XKR4: variants seen among roughly 807,000 people sequenced by gnomAD.
XKR4 encodes XK related 4, also known as XK-related protein 4.
A neutral mutation model predicts 53.9 loss-of-function variants in XKR4; 12 were observed. The ratio of observed to expected loss-of-function variants is 0.22; its 90% CI spans 0.14 to 0.36. The LOEUF is 0.36. Among genes scored for constraint, XKR4 ranks in the 10% least tolerant of loss-of-function variants. XKR4 has a pLI of 1.00. For synonymous variants in XKR4, 354 were observed against 362.4 expected (o/e 0.98, Z 0.26); for missense variants, 799 against 859.5 (o/e 0.93, Z 0.88).
At chr8:55,517,493 G>C (rs888884673) in intron 2 of XKR4, 1 of 152,150 alleles carries the variant, frequency 6.6e-6, no homozygotes, top group East Asian at 1.9e-4. Flanking sequence ...GGTGTTAGGG[G>C]CTAGAAAAGG....
chr8:55,182,496 G>A (rs1563477130), intron 1 of XKR4, among the ~76,000 whole-genome samples: 1 of 152,128 alleles, frequency 6.6e-6, no homozygotes, highest in Non-Finnish European at 1.5e-5. Flanking sequence ...TGAGGTAAGT[G>A]TCAAGGTTTA....
chr8:55,406,905 T>C (rs1300101042), intron 2 of XKR4, among the ~76,000 whole-genome samples: 1 of 152,188 alleles, frequency 6.6e-6, no homozygotes, highest in Non-Finnish European at 1.5e-5. Context: ...AGGGAATCAT[T>C]ATTAGCTAAC....
Position 55,357,667 on chromosome 8 carries a change from T to G in XKR4, c.807-11T>G. The G allele has an allele frequency of 6.2e-7, 1 of 1,613,898 alleles. No individual in the cohort carries two copies. The highest frequency in any genetic ancestry group is 1.3e-5 in the African/African-American group (1 of 75,056). ...CTCATCTCTTTCTTATTCTCCATGT[T>G]TTCTTTCTAGATATTTCCACACAAT... On this transcript the variant is annotated splice_polypyrimidine_tract_variant and intron_variant, in intron 1 of 2. Coordinates refer to ENST00000327381, the MANE Select transcript of XKR4 (RefSeq NM_052898.2).
rs116046602 is a variant in XKR4 at position 55,227,144 on chromosome 8, C to T, written c.806+123850C>T. ...AGTCCTCGTGGCGTTTAGCACATGC[C>T]ATTGTGGCTGTTGGTTTTCTCATCT... On this transcript the variant is annotated intron_variant, in intron 1 of 2. Transcript: ENST00000327381. 3.0e-3 allele frequency among the ~76,000 whole-genome samples: 463 copies of T among 152,344 alleles called. 4 individuals carry two copies. Among genetic ancestry groups the T allele is most frequent in the African/African-American group, 0.011 (442 of 41,572 alleles).
At chr8:55,118,854 A>G (rs928629085) in intron 1 of XKR4, among the ~76,000 whole-genome samples, 1 of 152,164 alleles carries the variant, frequency 6.6e-6, no homozygotes, top group Non-Finnish European at 1.5e-5. Context: ...TGATTTCTAA[A>G]TATGTTTTTC....
At chr8:55,405,371 T>C (rs1804666906) in intron 2 of XKR4, among the ~76,000 whole-genome samples, 2 of 152,236 alleles carry the variant, frequency 1.3e-5, no homozygotes, top group African/African-American at 4.8e-5. Context: ...ATTATAGTGA[T>C]GTTGGCAACT....
At chr8:55,271,922 G>A (rs1215834730) in intron 1 of XKR4, among the ~76,000 whole-genome samples, 1 of 152,146 alleles carries the variant, frequency 6.6e-6, no homozygotes, top group Non-Finnish European at 1.5e-5. Flanking sequence ...GTATATAAAG[G>A]GACAGTTTCC....
chr8:55,258,225 G>A (rs1022340549), intron 1 of XKR4, among the ~76,000 whole-genome samples: 5 of 152,186 alleles, frequency 3.3e-5, no homozygotes, highest in African/African-American at 4.8e-5. Context: ...GAGGGAAAGC[G>A]ACAGACAGGT....
rs1806914950 is a variant in XKR4 at position 55,529,025 on chromosome 8, T to C, written c.*4798T>C. 6.7e-6 allele frequency: 1 copy of C among 149,126 alleles called. No individual in the cohort carries two copies. Among genetic ancestry groups the C allele is most frequent in the South Asian group, 2.2e-4 (1 of 4,552 alleles). 9.2% of individuals were successfully genotyped at this position (149,126 alleles called of 1,614,324 possible). On this transcript the variant is annotated 3_prime_UTR_variant, in exon 3 of 3. Transcript: ENST00000327381. ...GTTGACATATGTCTTATCTAGTTGCTGTCCTAAAAATGGGCATGTGGCAAG... is the reference window on the plus strand; with the variant it reads ...GTTGACATATGTCTTATCTAGTTGCCGTCCTAAAAATGGGCATGTGGCAAG...
At chr8:55,282,446 T>A (rs190013123) in intron 1 of XKR4, among the ~76,000 whole-genome samples, 171 of 152,318 alleles carry the variant, frequency 1.1e-3, no homozygotes, top group African/African-American at 3.8e-3. Flanking sequence ...CTGCTTCTGA[T>A]GATCATCTCA....
At chr8:55,323,111 T>A (rs543367912) in intron 1 of XKR4, among the ~76,000 whole-genome samples, 1 of 152,366 alleles carries the variant, frequency 6.6e-6, no homozygotes, top group Non-Finnish European at 1.5e-5. Flanking sequence ...CATGAATGGA[T>A]GTTACATTAT....
chr8:55,463,949 A>C (rs1408612987), intron 2 of XKR4, among the ~76,000 whole-genome samples: 4 of 152,144 alleles, frequency 2.6e-5, no homozygotes, highest in Non-Finnish European at 5.9e-5. Context: ...CTCTGAATAG[A>C]CCAATAACAG....
chr8:55,490,195 T>C (rs908269050), intron 2 of XKR4, among the ~76,000 whole-genome samples: 4 of 152,174 alleles, frequency 2.6e-5, no homozygotes, highest in African/African-American at 9.7e-5. Flanking sequence ...TATGGTGACC[T>C]AGGTAAAGAA....
chr8:55,407,562 C>T lies in XKR4; in HGVS notation c.1006+49685C>T, dbSNP rs114501774. On this transcript the variant is annotated intron_variant, in intron 2 of 2. Coordinates refer to ENST00000327381, the MANE Select transcript of XKR4 (RefSeq NM_052898.2). ...CCATGCAGTGAGCAGAGCTGGCCCT[C>T]GGGTCAGATGCCCCGGGCTCAACAT... 9.7e-3 allele frequency among the ~76,000 whole-genome samples: 1,479 copies of T among 152,342 alleles called. 26 individuals are homozygous for T. The highest frequency in any genetic ancestry group is 0.033 in the African/African-American group (1,367 of 41,574).
chr8:55,204,527 A>T (rs1817617649), intron 1 of XKR4, among the ~76,000 whole-genome samples: 1 of 152,178 alleles, frequency 6.6e-6, no homozygotes, highest in South Asian at 2.1e-4. Flanking sequence ...ATATTGCCAG[A>T]TGTCACCCAC....
At chr8:55,366,739 A>C (rs1334713752) in intron 2 of XKR4, among the ~76,000 whole-genome samples, 2 of 152,124 alleles carry the variant, frequency 1.3e-5, no homozygotes, top group Non-Finnish European at 2.9e-5. Context: ...GCTCCCAGCT[A>C]AAGTCCTTCT....
At chr8:55,494,668 A>G (rs1806316449) in intron 2 of XKR4, among the ~76,000 whole-genome samples, 1 of 152,104 alleles carries the variant, frequency 6.6e-6, no homozygotes, top group Non-Finnish European at 1.5e-5. Context: ...TCATCCTATC[A>G]TCGTTTCAGT....
At chr8:55,389,362 C>T (rs1804411401) in intron 2 of XKR4, among the ~76,000 whole-genome samples, 1 of 152,212 alleles carries the variant, frequency 6.6e-6, no homozygotes, top group African/African-American at 2.4e-5. Context: ...TAATATGTCA[C>T]TCCAAGTTTC....
chr8:55,164,241 C>A, intron 1 of XKR4: 1 of 456,536 alleles, frequency 2.2e-6, no homozygotes, highest in Non-Finnish European at 4.4e-6. Flanking sequence ...GGCATTGAGA[C>A]CCATCTCCTC....
Sources: allele counts gnomAD v4.1 joint callset (sites outside exome capture counted in the v4.1 genomes callset), GRCh38; gene constraint gnomAD v4.1.1; transcripts MANE v1.5; gene names NCBI Gene and HGNC (gene_info 2026-07-23, HGNC 2026-07-21).